Variants in ARID1B observed in about 807,000 individuals in gnomAD.
The protein encoded by ARID1B is AT-rich interaction domain 1B.
In ARID1B, 30 loss-of-function variants were observed where a neutral mutation model predicts 212.3. The observed-to-expected ratio is 0.14, with a 90% CI of 0.11 to 0.19. ARID1B has a LOEUF of 0.19. ARID1B is among the 10% of genes least tolerant of loss of function. The pLI is 1.00. For synonymous variants in ARID1B, 1,402 were observed against 1,301.7 expected (o/e 1.08, Z -1.66); for missense variants, 2,891 against 3,204.0 (o/e 0.90, Z 2.36).
chr6:156,945,274 T>TAGGG (rs1322282284), intron 4 of ARID1B, among the ~76,000 whole-genome samples: 17 of 126,818 alleles, frequency 1.3e-4, no homozygotes, highest in African/African-American at 4.9e-4. Flanking sequence ...TTTTTGTGAG[T>TAGGG]GTTTAGAGCT....
At position 157,096,867 on chromosome 6, in the gene ARID1B, A is replaced by C. The variant is rs1162083881; in HGVS notation, c.2491+11962A>C. ...GCAACTCTATATCTCTTGAAAAAGCACTTATTTAAACACCCAAATGTATTA... is the reference window on the plus strand; with the variant it reads ...GCAACTCTATATCTCTTGAAAAAGCCCTTATTTAAACACCCAAATGTATTA... On this transcript the variant is annotated intron_variant, in intron 5 of 19. Transcript: ENST00000636930. 5.9e-5 allele frequency among the ~76,000 whole-genome samples: 9 copies of C among 152,360 alleles called. No individual in the cohort carries two copies. In the South Asian group the frequency reaches 1.7e-3, roughly 28 times the overall value.
intron 4 of ARID1B, among the ~76,000 whole-genome samples, chr6:156,971,226 C>A (rs1310212017): frequency 1.3e-5 from 2 of 152,088 alleles, no homozygotes; most frequent in African/African-American, 4.8e-5. Flanking sequence ...AAAATATGTT[C>A]TTTTAAATTG....
chr6:156,803,940 C>CT (rs1248660449), intron 1 of ARID1B, among the ~76,000 whole-genome samples: 2 of 152,220 alleles, frequency 1.3e-5, no homozygotes, highest in African/African-American at 4.8e-5. Flanking sequence ...AAGCATATAG[C>CT]TTTACATCCA....
chr6:157,148,987 C>CTG lies in ARID1B; in HGVS notation c.3089+42_3089+43dup. 1 of 1,580,920 alleles carries CTG rather than the reference C, an allele frequency of 6.3e-7. No homozygotes were observed. The highest frequency in any genetic ancestry group is 1.1e-5 in the South Asian group (1 of 88,294). ...CAGGAGCACGCCCCGGGCAGGTACGCTGTGTGTCTACCCGTGACCACGTGA... is the reference window on the plus strand; with the variant it reads ...CAGGAGCACGCCCCGGGCAGGTACGCTGTGTGTGTCTACCCGTGACCACGTGA... On this transcript the variant is annotated intron_variant, in intron 8 of 19. Coordinates refer to ENST00000636930, the MANE Select transcript of ARID1B (RefSeq NM_001374828.1). The surrounding 1 kb of genome is among the most constrained non-coding windows in gnomAD (Gnocchi z 5.6).
At chr6:156,780,119 G>A (rs905790863) in intron 1 of ARID1B, among the ~76,000 whole-genome samples, 1 of 152,166 alleles carries the variant, frequency 6.6e-6, no homozygotes, top group Non-Finnish European at 1.5e-5. Flanking sequence ...CAACGACATG[G>A]AGGTGCAATA....
chr6:157,066,121 T>A (rs188726893), intron 4 of ARID1B, among the ~76,000 whole-genome samples: 69 of 152,370 alleles, frequency 4.5e-4, no homozygotes, highest in African/African-American at 1.6e-3. Context: ...ACAATCTTAT[T>A]TCTTCACATG....
intron 2 of ARID1B, among the ~76,000 whole-genome samples, chr6:156,866,816 G>C (rs932009664): frequency 6.6e-6 from 1 of 152,236 alleles, no homozygotes; most frequent in Non-Finnish European, 1.5e-5. Context: ...GTAATTAACA[G>C]CTACAAGAAC....
At chr6:157,092,838 G>A (rs1440844709) in intron 5 of ARID1B, among the ~76,000 whole-genome samples, 1 of 152,120 alleles carries the variant, frequency 6.6e-6, no homozygotes, top group Non-Finnish European at 1.5e-5. Context: ...TTCTTGCTCT[G>A]CAATCTCAGC....
At chr6:156,827,754 C>CT (rs532857305) in intron 1 of ARID1B, among the ~76,000 whole-genome samples, 3,534 of 68,474 alleles carry the variant, frequency 0.052, 736 homozygotes, top group Non-Finnish European at 0.075. Context: ...CCTGGTAATT[C>CT]TTTTTTTTTT....
At chr6:156,981,729 TA>T (rs2128378473) in intron 4 of ARID1B, among the ~76,000 whole-genome samples, 1 of 152,346 alleles carries the variant, frequency 6.6e-6, no homozygotes, top group South Asian at 2.1e-4. Context: ...TTCACTAAGC[TA>T]AATATTGCAT....
At chr6:156,823,490 C>T (rs1364641597) in intron 1 of ARID1B, among the ~76,000 whole-genome samples, 1 of 152,194 alleles carries the variant, frequency 6.6e-6, no homozygotes, top group South Asian at 2.1e-4. Flanking sequence ...CGTGAATAAA[C>T]ACCCCCTGCC....
intron 6 of ARID1B, among the ~76,000 whole-genome samples, chr6:157,117,980 C>G (rs1055122069): frequency 2.6e-5 from 4 of 152,158 alleles, no homozygotes; most frequent in African/African-American, 9.7e-5. Context: ...TGCTGAGTCC[C>G]CTCCCCAACC....
At chr6:157,079,954 T>C (rs1263393415) in intron 4 of ARID1B, among the ~76,000 whole-genome samples, 1 of 152,206 alleles carries the variant, frequency 6.6e-6, no homozygotes, top group Non-Finnish European at 1.5e-5. Flanking sequence ...GAGACTTTTT[T>C]TGAAGACCAC....
At chr6:156,804,842 A>G (rs1473650111) in intron 1 of ARID1B, among the ~76,000 whole-genome samples, 3 of 144,994 alleles carry the variant, frequency 2.1e-5, no homozygotes, top group East Asian at 2.0e-4. Flanking sequence ...GAATTTTACT[A>G]CTAAGAGAGA....
At chr6:157,048,665 AAAT>A (rs1200757811) in intron 4 of ARID1B, among the ~76,000 whole-genome samples, 1 of 152,214 alleles carries the variant, frequency 6.6e-6, no homozygotes, top group Non-Finnish European at 1.5e-5. Context: ...TACAAGTTCT[AAAT>A]AATAAGAGTA....
chr6:156,966,392 T>C (rs980250331), intron 4 of ARID1B, among the ~76,000 whole-genome samples: 3 of 136,500 alleles, frequency 2.2e-5, no homozygotes, highest in African/African-American at 6.2e-5. Flanking sequence ...TTTTCTTTTT[T>C]TTTTTTTTTT....
chr6:156,959,424 T>C (rs141213101), intron 4 of ARID1B, among the ~76,000 whole-genome samples: 1 of 152,308 alleles, frequency 6.6e-6, no homozygotes, highest in East Asian at 1.9e-4. Flanking sequence ...TTTTACTGCT[T>C]TTCCTCCCCC....
chr6:157,206,271 A>G lies in ARID1B; in HGVS notation c.5499A>G (p.Ala1833=), dbSNP rs760264273. ...AAGTGGGAGACCCCAGCCAAAAAGC[A>G]CTTGATCACAACGCAGCAAGGAAGG... ...EYEVGDPSQK[A]LDHNAARKDD... Residue 1833 remains alanine (A), a synonymous_variant, in exon 20 of 20, where the codon GCA becomes GCG. Transcript: ENST00000636930. This position sits in a 1 kb window ranked among gnomAD's most constrained non-coding sequence, Gnocchi z 6.8. 1.9e-6 allele frequency: 3 copies of G among 1,614,208 alleles called. No homozygotes were observed. Among genetic ancestry groups the G allele is most frequent in the Admixed American group, 3.3e-5 (2 of 60,026 alleles).
At chr6:156,812,998 A>G (rs147380998) in intron 1 of ARID1B, among the ~76,000 whole-genome samples, 1,928 of 147,526 alleles carry the variant, frequency 0.013, 44 homozygotes, top group Non-Finnish European at 0.017. Context: ...ATACGTATGT[A>G]TATACATATA....
Sources: gnomAD v4.1 joint callset for allele counts (sites outside exome capture counted in the v4.1 genomes callset) on GRCh38, gnomAD v4.1.1 for gene constraint, Gnocchi (gnomAD v3.1) non-coding constraint, MANE v1.5 for transcripts, NCBI Gene and HGNC (gene_info 2026-07-23, HGNC 2026-07-21) for gene names.